Variants in CHD1 observed in about 807,000 individuals in gnomAD.
CHD1 encodes ATP-dependent chromatin remodeler CHD1.
A neutral mutation model predicts 224.2 loss-of-function variants in CHD1; 36 were observed. The observed-to-expected ratio is 0.16, with a 90% CI of 0.12 to 0.21. CHD1 has a LOEUF of 0.21. Ranked by LOEUF, CHD1 falls within the 10% of genes least tolerant of loss-of-function variation. The probability of loss-of-function intolerance (pLI) is 1.00; values close to 1 mark genes in which losing one functional copy is unlikely to be tolerated. For missense variants in CHD1, 1,378 were observed against 1,994.8 expected, an observed-to-expected ratio of 0.69 and a Z score of 5.89; for synonymous variants, 668 against 658.3, an observed-to-expected ratio of 1.01 and a Z score of -0.23.
chr5:98,862,686 T>C (rs562643808), intron 32 of CHD1, among the ~76,000 whole-genome samples: 6 of 152,314 alleles, frequency 3.9e-5, no homozygotes, highest in South Asian at 2.1e-4. Flanking sequence ...TTCTAACTCT[T>C]TGAACCTCAA....
intron 2 of CHD1, among the ~76,000 whole-genome samples, chr5:98,922,171 A>G (rs1217968407): frequency 6.6e-6 from 1 of 152,068 alleles, no homozygotes; most frequent in East Asian, 1.9e-4. Context: ...AACAAACCAC[A>G]CACACACTAA....
Position 98,876,461 on chromosome 5 carries a change from C to T in CHD1, c.3335G>A (p.Arg1112His), listed in dbSNP as rs1749765274. 6.2e-7 allele frequency: 1 copy of T among 1,614,094 alleles called. No homozygotes were observed. The highest frequency in any genetic ancestry group is 8.5e-7 in the Non-Finnish European group (1 of 1,179,976). ...SISEGKRPKK[R>H]GRPRTIPREN... is the part of the protein sequence containing the mutation. Reference sequence around the variant, plus strand: ...CCGAGGAATAGTCCGTGGTCTTCCACGTTTCTTTGGCCTTTTCCCTTCTGA... The same window carrying T: ...CCGAGGAATAGTCCGTGGTCTTCCATGTTTCTTTGGCCTTTTCCCTTCTGA... Residue 1112 changes from arginine (R) to histidine (H), a missense_variant, in exon 24 of 36, where the codon CGT (arginine) becomes CAT (histidine). This residue lies in a region of CHD1 where 286 missense variants were observed against 445.1 expected (regional missense o/e 0.64). Coordinates refer to ENST00000614616, the MANE Select transcript of CHD1 (RefSeq NM_001270.4).
intron 16 of CHD1, 137 bp from the exon 17 acceptor site, chr5:98,888,377 A>T (rs1750790876): frequency 2.9e-6 from 2 of 678,274 alleles, no homozygotes; most frequent in Non-Finnish European, 4.7e-6. Context: ...TCACTTTTCA[A>T]AATTTTCTAA....
intron 32 of CHD1, chr5:98,860,769 A>T (rs889536522): frequency 4.6e-5 from 7 of 152,348 alleles, no homozygotes; most frequent in Admixed American, 4.6e-4. Flanking sequence ...AGAAGATTCA[A>T]ATATACACTA....
At chr5:98,926,301 T>G (rs769178958) in intron 2 of CHD1, 33 bp downstream of exon 2, 2 of 1,325,586 alleles carry the variant, frequency 1.5e-6, no homozygotes, top group East Asian at 2.6e-5. Flanking sequence ...ACTCTCTTCA[T>G]AGTAAACAAT....
chr5:98,854,232 T>C lies in CHD1; in HGVS notation c.*2148A>G, dbSNP rs138089697. 2 of 152,224 alleles carry C rather than the reference T, an allele frequency of 1.3e-5. No individual in the cohort carries two copies. Among genetic ancestry groups the C allele is most frequent in the African/African-American group, 4.8e-5 (2 of 41,572 alleles). The allele number at this position is 152,224 out of a possible 1,614,324, so 9.4% of individuals were successfully genotyped here. A position where few individuals can be genotyped will look rare whatever the true frequency, so the allele number is the denominator to read the frequency against. On this transcript the variant is annotated 3_prime_UTR_variant, in exon 36 of 36. Transcript: ENST00000614616. ...CATTTGATAAATGTACATACAGTTC[T>C]ATATTTTTCATTCAACTCAGCTAAC...
chr5:98,912,393 G>A (rs1752480683), intron 2 of CHD1, among the ~76,000 whole-genome samples: 1 of 152,070 alleles, frequency 6.6e-6, no homozygotes, highest in Admixed American at 6.6e-5. Flanking sequence ...TGTCAAACTG[G>A]GCACGGTGGC....
intron 32 of CHD1, among the ~76,000 whole-genome samples, chr5:98,862,431 T>G (rs1331466254): frequency 6.6e-6 from 1 of 152,136 alleles, no homozygotes; most frequent in Admixed American, 6.6e-5. Flanking sequence ...AATGAAAAAG[T>G]TAAGTCTCCT....
intron 33 of CHD1, among the ~76,000 whole-genome samples, 190 bp from the exon 34 acceptor site, chr5:98,859,205 C>G (rs953280667): frequency 6.6e-6 from 1 of 152,062 alleles, no homozygotes; most frequent in Non-Finnish European, 1.5e-5. Flanking sequence ...TGTCCCATGA[C>G]TTAAAGATAT....
At chr5:98,904,821 T>C in intron 3 of CHD1, 76 bp downstream of exon 3, 1 of 1,237,340 alleles carries the variant, frequency 8.1e-7, no homozygotes, top group Admixed American at 1.8e-5. Context: ...AGATTAAGAA[T>C]GGTATAAACC....
intron 2 of CHD1, among the ~76,000 whole-genome samples, chr5:98,916,409 G>A (rs1372127335): frequency 6.6e-6 from 1 of 151,348 alleles, no homozygotes; most frequent in Admixed American, 6.6e-5. Context: ...GCCAGGTGTG[G>A]TAGTGCATGC....
chr5:98,911,146 A>ATCT (rs1554081078), intron 2 of CHD1, among the ~76,000 whole-genome samples: 2 of 39,130 alleles, frequency 5.1e-5, no homozygotes, highest in South Asian at 1.1e-3. Context: ...AAAAAAAAAA[A>ATCT]ATATATATAT....
intron 12 of CHD1, among the ~76,000 whole-genome samples, chr5:98,895,843 G>T (rs986730480): frequency 1.3e-5 from 2 of 151,556 alleles, no homozygotes; most frequent in East Asian, 3.9e-4. Context: ...CATGTACTGA[G>T]AACTTATTTG....
At chr5:98,919,812 C>G (rs1028898643) in intron 2 of CHD1, among the ~76,000 whole-genome samples, 2 of 152,028 alleles carry the variant, frequency 1.3e-5, no homozygotes, top group Non-Finnish European at 2.9e-5. Context: ...ACATATATTA[C>G]CTAGCTCTGT....
At chr5:98,920,402 T>G (rs1273058112) in intron 2 of CHD1, among the ~76,000 whole-genome samples, 1 of 152,210 alleles carries the variant, frequency 6.6e-6, no homozygotes, top group East Asian at 1.9e-4. Context: ...ACACCACCAG[T>G]AATGTCATGA....
At chr5:98,877,304 G>C in intron 23 of CHD1, among the ~76,000 whole-genome samples, 1 of 152,278 alleles carries the variant, frequency 6.6e-6, no homozygotes, top group Non-Finnish European at 1.5e-5. Flanking sequence ...TCAAAAAGAA[G>C]AAAAAGTTCC....
At position 98,876,491 on chromosome 5, in the gene CHD1, G is replaced by T; in HGVS notation, c.3305C>A (p.Ser1102Tyr). The T allele has an allele frequency of 6.2e-7, 1 of 1,613,866 alleles. No homozygotes were observed. The highest frequency in any genetic ancestry group is 8.5e-7 in the Non-Finnish European group (1 of 1,179,814). Residue 1102 changes from serine (S) to tyrosine (Y), a missense_variant, in exon 24 of 36, where the codon TCC becomes TAC. Ser to Tyr is a moderately radical substitution (Grantham distance 144). Transcript: ENST00000614616. ...SRRYSGSDSD[S>Y]ISEGKRPKKR... Reference sequence around the variant, plus strand: ...CTTTGGCCTTTTCCCTTCTGAGATGGAATCACTATCAGATCCAGAGTATCT... The same window carrying T: ...CTTTGGCCTTTTCCCTTCTGAGATGTAATCACTATCAGATCCAGAGTATCT...
At chr5:98,914,081 C>G (rs1235317574) in intron 2 of CHD1, among the ~76,000 whole-genome samples, 2 of 152,178 alleles carry the variant, frequency 1.3e-5, no homozygotes, top group African/African-American at 4.8e-5. Flanking sequence ...TCAGCATCTT[C>G]TACAGCTCAG....
At chr5:98,900,273 T>C (rs1751611690) in intron 7 of CHD1, among the ~76,000 whole-genome samples, 1 of 136,934 alleles carries the variant, frequency 7.3e-6, no homozygotes, top group Admixed American at 7.2e-5. Flanking sequence ...CAGAACGAGA[T>C]TCTGTCACAA....
Sources: allele counts gnomAD v4.1 joint callset (sites outside exome capture counted in the v4.1 genomes callset), GRCh38; gene constraint gnomAD v4.1.1; regional missense constraint gnomAD v4.1.1; transcripts MANE v1.5; gene names NCBI Gene and HGNC (gene_info 2026-07-23, HGNC 2026-07-21).